DGKG: variants seen among roughly 807,000 people sequenced by gnomAD.
The protein encoded by DGKG is diacylglycerol kinase gamma.
DGKG carries 78 observed loss-of-function variants against 105.3 expected under a neutral mutation model. That is an observed-to-expected ratio of 0.74 (90% CI 0.62 to 0.89). The LOEUF (loss-of-function observed/expected upper bound fraction) is 0.89. DGKG is among the 40% of genes least tolerant of loss of function. DGKG has a pLI of 0.00. For synonymous variants in DGKG, 346 were observed against 367.1 expected, an observed-to-expected ratio of 0.94 and a Z score of 0.66; for missense variants, 958 against 1,020.1, an observed-to-expected ratio of 0.94 and a Z score of 0.83.
chr3:186,275,584 C>A lies in DGKG; in HGVS notation c.873G>T (p.Met291Ile). The A allele has an allele frequency of 6.2e-7, 1 of 1,614,238 alleles. No homozygotes were observed. The highest frequency in any genetic ancestry group is 8.5e-7 in the Non-Finnish European group (1 of 1,180,042). ...KPTYCNFCHIMLMGVRKQGLC... is the reference protein window; with the variant it reads ...KPTYCNFCHIILMGVRKQGLC... ...GGCCTTGCTTGCGGACGCCCATGAG[C>A]ATGATATGGCAGAAGTTGCAGTAGG... The change falls in exon 10 of 25, where the codon ATG (methionine) becomes ATT (isoleucine). Residue 291 changes from methionine to isoleucine, a missense_variant. Physicochemically the swap from Met to Ile is conservative, Grantham distance 10 (BLOSUM62 1). Transcript: ENST00000265022.
At chr3:186,341,125 G>A (rs552440651) in intron 1 of DGKG, among the ~76,000 whole-genome samples, 74 of 152,342 alleles carry the variant, frequency 4.9e-4, no homozygotes, top group African/African-American at 1.5e-3. Flanking sequence ...TTTGAGGGGC[G>A]AGACTGTGAA....
At chr3:186,291,515 C>T (rs545764838) in intron 5 of DGKG, among the ~76,000 whole-genome samples, 18 of 152,030 alleles carry the variant, frequency 1.2e-4, no homozygotes, top group South Asian at 2.1e-4. Context: ...GGTTAACAGA[C>T]GAACAAATTG....
intron 19 of DGKG, among the ~76,000 whole-genome samples, chr3:186,250,819 G>A (rs1380555184): frequency 1.3e-5 from 2 of 151,916 alleles, no homozygotes; most frequent in Non-Finnish European, 2.9e-5. Context: ...CAAAGTGCTG[G>A]GATTGCAGGC....
At chr3:186,334,129 A>AGCC (rs2108654067) in intron 1 of DGKG, among the ~76,000 whole-genome samples, 1 of 152,292 alleles carries the variant, frequency 6.6e-6, no homozygotes, top group East Asian at 1.9e-4. Context: ...AAACAGCAGC[A>AGCC]GCCGCTTACT....
chr3:186,204,411 A>G (rs374225005), intron 21 of DGKG, among the ~76,000 whole-genome samples: 4 of 152,122 alleles, frequency 2.6e-5, no homozygotes, highest in East Asian at 1.9e-4. Context: ...GCTTCAAAAT[A>G]ATAATAATAA....
intron 21 of DGKG, among the ~76,000 whole-genome samples, chr3:186,205,281 A>G (rs1009904237): frequency 1.4e-5 from 2 of 143,296 alleles, no homozygotes; most frequent in Non-Finnish European, 3.1e-5. Context: ...AAAAAAAAAA[A>G]GTGACCAACC....
chr3:186,347,214 C>T (rs1488745037), intron 1 of DGKG, among the ~76,000 whole-genome samples: 4 of 151,882 alleles, frequency 2.6e-5, no homozygotes, highest in Admixed American at 6.6e-5. Flanking sequence ...TTTGGGAGGC[C>T]GAGGCGGGCG....
At chr3:186,217,112 C>T (rs1188741574) in intron 20 of DGKG, among the ~76,000 whole-genome samples, 5 of 152,144 alleles carry the variant, frequency 3.3e-5, no homozygotes, top group South Asian at 2.1e-4. Context: ...TGGAAGAAGA[C>T]GCATTCCCCA....
intron 22 of DGKG, among the ~76,000 whole-genome samples, chr3:186,179,059 G>A (rs1345876727): frequency 3.9e-5 from 6 of 152,184 alleles, no homozygotes; most frequent in Non-Finnish European, 8.8e-5. Context: ...TACAGACTCT[G>A]CTTCAGTAGG....
intron 2 of DGKG, among the ~76,000 whole-genome samples, chr3:186,313,738 G>A (rs779783045): frequency 3.3e-5 from 5 of 152,038 alleles, no homozygotes; most frequent in Admixed American, 6.6e-5. Context: ...CTCCCTATCC[G>A]TAGATTCTGT....
chr3:186,269,162 A>G (rs1484683328), intron 11 of DGKG, among the ~76,000 whole-genome samples: 1 of 152,252 alleles, frequency 6.6e-6, no homozygotes, highest in Admixed American at 6.5e-5. Context: ...GAACAGCTCA[A>G]TCGCCCTGGA....
At chr3:186,300,000 G>A (rs1723845667) in intron 3 of DGKG, among the ~76,000 whole-genome samples, 2 of 151,804 alleles carry the variant, frequency 1.3e-5, no homozygotes, top group South Asian at 4.2e-4. Flanking sequence ...ACCATGCCCG[G>A]CTATTTTTGT....
intron 11 of DGKG, among the ~76,000 whole-genome samples, chr3:186,270,601 C>A (rs1485672089): frequency 6.6e-6 from 1 of 152,228 alleles, no homozygotes; most frequent in South Asian, 2.1e-4. Flanking sequence ...ATTAATCTGT[C>A]ATCTACATGG....
chr3:186,331,801 A>T (rs191947843), intron 1 of DGKG, among the ~76,000 whole-genome samples: 2 of 152,346 alleles, frequency 1.3e-5, no homozygotes, highest in East Asian at 3.9e-4. Context: ...TTGCTCAACA[A>T]ATCACTGTAA....
intron 11 of DGKG, among the ~76,000 whole-genome samples, chr3:186,270,993 G>A (rs1722288784): frequency 6.6e-6 from 1 of 152,216 alleles, no homozygotes; most frequent in Non-Finnish European, 1.5e-5. Flanking sequence ...AGCAGGGTGT[G>A]CATGGGGTGG....
chr3:186,235,632 T>C (rs1167643965), intron 20 of DGKG, among the ~76,000 whole-genome samples: 1 of 152,272 alleles, frequency 6.6e-6, no homozygotes, highest in Non-Finnish European at 1.5e-5. Flanking sequence ...TGATATATTT[T>C]ATGCTTGTGA....
chr3:186,321,092 C>T (rs1198793672), intron 1 of DGKG, among the ~76,000 whole-genome samples: 2 of 152,226 alleles, frequency 1.3e-5, no homozygotes, highest in Non-Finnish European at 2.9e-5. Context: ...TAAATTCCAC[C>T]GTGATAGCTC....
At chr3:186,278,467 T>C (rs1283475578) in intron 9 of DGKG, among the ~76,000 whole-genome samples, 1 of 152,124 alleles carries the variant, frequency 6.6e-6, no homozygotes, top group African/African-American at 2.4e-5. Flanking sequence ...TCTCTGGTGC[T>C]AGTTCGGTGG....
chr3:186,279,744 T>C, intron 9 of DGKG, 107 bp downstream of exon 9: 1 of 1,351,644 alleles, frequency 7.4e-7, no homozygotes, highest in South Asian at 1.4e-5. Flanking sequence ...TCATGGCACG[T>C]CTGTTGGGCA....
Sources: gnomAD v4.1 joint callset for allele counts (sites outside exome capture counted in the v4.1 genomes callset) on GRCh38, gnomAD v4.1.1 for gene constraint, MANE v1.5 for transcripts, NCBI Gene and HGNC (gene_info 2026-07-23, HGNC 2026-07-21) for gene names.